IRAG1: variants seen among roughly 807,000 people sequenced by gnomAD.
IRAG1 encodes inositol 1,4,5-triphosphate receptor associated 1, also known as IP3R-associated cGMP kinase substrate.
Under a neutral mutation model 106.2 loss-of-function variants are expected in IRAG1, and 62 were observed. The observed-to-expected ratio is 0.58, with a 90% CI of 0.48 to 0.72. The LOEUF is 0.72. Ranked by LOEUF, IRAG1 falls within the 30% of genes least tolerant of loss-of-function variation. The probability of loss-of-function intolerance (pLI) is 0.00; values close to 1 mark genes in which losing one functional copy is unlikely to be tolerated. For synonymous variants in IRAG1, 462 were observed against 443.9 expected, an observed-to-expected ratio of 1.04 and a Z score of -0.51; for missense variants, 1,064 against 1,140.7, an observed-to-expected ratio of 0.93 and a Z score of 0.97.
chr11:10,687,183 A>G (rs938356028), intron 1 of IRAG1, among the ~76,000 whole-genome samples: 1 of 152,088 alleles, frequency 6.6e-6, no homozygotes, highest in Non-Finnish European at 1.5e-5. Context: ...GTCTCTCACT[A>G]GGGCAGGACA....
chr11:10,576,795 T>C lies in IRAG1; in HGVS notation c.2496-220A>G, dbSNP rs185596208. 1.2e-3 allele frequency among the ~76,000 whole-genome samples: 182 copies of C among 152,316 alleles called. 1 individual carries two copies. In the East Asian group the frequency reaches 0.028, roughly 24 times the overall value. The stretch of plus-strand genomic sequence containing the variant: ...GGTCCAGGAATCATTGGCTAAATTT[T>C]CCCAGGTGATTTTGATTCCACCAGT... On this transcript the variant is annotated intron_variant, in intron 20 of 20. Transcript: ENST00000423302.
At chr11:10,627,682 C>G (rs189924856) in intron 8 of IRAG1, 34 bp downstream of exon 8, 113 of 1,613,634 alleles carry the variant, frequency 7.0e-5, no homozygotes, top group Admixed American at 1.8e-4. Context: ...CCCCCACACT[C>G]AAATCATCCA....
At chr11:10,578,053 C>T (rs1851008879) in intron 20 of IRAG1, among the ~76,000 whole-genome samples, 1 of 152,192 alleles carries the variant, frequency 6.6e-6, no homozygotes, top group South Asian at 2.1e-4. Context: ...GCCAGAGTGG[C>T]TTCTCCCTAC....
intron 19 of IRAG1, 115 bp from the exon 20 acceptor site, chr11:10,580,704 G>T: frequency 1.6e-6 from 2 of 1,280,518 alleles, no homozygotes; most frequent in South Asian, 1.5e-5. Flanking sequence ...TGCTTCCTAT[G>T]GTTCCACAAA....
chr11:10,599,136 T>C (rs1180529864), intron 15 of IRAG1, among the ~76,000 whole-genome samples: 1 of 152,046 alleles, frequency 6.6e-6, no homozygotes, highest in Non-Finnish European at 1.5e-5. Flanking sequence ...CCTCCTAGAG[T>C]GAATGTGGGA....
At chr11:10,577,816 G>A (rs766101781) in intron 20 of IRAG1, among the ~76,000 whole-genome samples, 3 of 152,128 alleles carry the variant, frequency 2.0e-5, no homozygotes, top group Non-Finnish European at 4.4e-5. Flanking sequence ...CGTTCCATGC[G>A]GGAACCCCAT....
At chr11:10,671,434 G>A (rs1845832) in intron 1 of IRAG1, among the ~76,000 whole-genome samples, 30,480 of 152,174 alleles carry the variant, frequency 0.2, 4,710 homozygotes, top group East Asian at 0.81. Flanking sequence ...ACGGCTGGCC[G>A]GGTGTGGTAG....
In IRAG1 at chr11:10,628,107, G is replaced by C. The variant is rs764158772; in HGVS notation, c.653-82C>G. On this transcript the variant is annotated intron_variant, in intron 6 of 20. Coordinates refer to ENST00000423302, the MANE Select transcript of IRAG1 (RefSeq NM_130385.4). The surrounding 1 kb of genome is among the most constrained non-coding windows in gnomAD (Gnocchi z 4.1). ...CTTTCAGCCACATCTCCCTCCCCGG[G>C]CTATCCTCCCTTTGCAATCTCAGGC... is the stretch of plus-strand genomic sequence containing the variant. 2.7e-6 allele frequency: 4 copies of C among 1,460,986 alleles called. No individual in the cohort carries two copies. The Admixed American group carries it at 7.4e-5, about 27-fold the overall frequency. The allele number at this position is 1,460,986 out of a possible 1,614,324, so 90.5% of individuals were successfully genotyped here.
intron 10 of IRAG1, among the ~76,000 whole-genome samples, chr11:10,610,626 C>T (rs186554317): frequency 8.5e-5 from 13 of 152,292 alleles, no homozygotes; most frequent in Admixed American, 5.2e-4. Flanking sequence ...TCTCTAGATA[C>T]CATCCCATTC....
At chr11:10,607,105 C>A (rs1423171048) in intron 11 of IRAG1, among the ~76,000 whole-genome samples, 1 of 152,144 alleles carries the variant, frequency 6.6e-6, no homozygotes, top group African/African-American at 2.4e-5. Flanking sequence ...TGTTTGTATG[C>A]ATAAATATAT....
At chr11:10,598,114 G>A (rs569132674) in intron 15 of IRAG1, among the ~76,000 whole-genome samples, 74 of 152,200 alleles carry the variant, frequency 4.9e-4, no homozygotes, top group African/African-American at 1.3e-3. Flanking sequence ...GTCCTTGGAC[G>A]CCCTTAACTT....
rs1321481010 is a variant in IRAG1, at chr11:10,610,563, GA to G, written c.1448-713del. On this transcript the variant is annotated intron_variant, in intron 10 of 20. Transcript: ENST00000423302. ...GCCTCTCTAAAGCTTCTCTTCTCCA[GA>G]CTCTAGCTCCATTTTTCCAACAAGC... 9.9e-5 allele frequency among the ~76,000 whole-genome samples: 15 copies of G among 152,264 alleles called. No homozygotes were observed. The East Asian group carries it at 2.9e-3, about 29-fold the overall frequency.
intron 2 of IRAG1, among the ~76,000 whole-genome samples, chr11:10,641,374 G>A (rs1364268028): frequency 6.6e-6 from 1 of 152,168 alleles, no homozygotes; most frequent in Non-Finnish European, 1.5e-5. Flanking sequence ...GTTAAATTGG[G>A]AGAGCCCAGC....
rs1443944669 is a variant in IRAG1, at chr11:10,591,628, A to G, written c.2176-16T>C. ...GTGATTCCGACTGAGTGAAAAACAGAAGACAGAGAATTGAGGATGCGCTAT... is the reference window on the plus strand; with the variant it reads ...GTGATTCCGACTGAGTGAAAAACAGGAGACAGAGAATTGAGGATGCGCTAT... On this transcript the variant is annotated splice_polypyrimidine_tract_variant and intron_variant, in intron 17 of 20. Coordinates refer to ENST00000423302, the MANE Select transcript of IRAG1 (RefSeq NM_130385.4). 6 of 1,581,782 alleles carry G rather than the reference A, an allele frequency of 3.8e-6. No homozygotes were observed. Among genetic ancestry groups the G allele is most frequent in the Admixed American group, 3.7e-5 (2 of 54,792 alleles).
In IRAG1 at chr11:10,615,246, C is replaced by T. The variant is rs1197789716; in HGVS notation, c.1448-5395G>A. ...ACCACAATGAGATACCATCTCACCC[C>T]AGTTAGAATGGCGATCATTAAAAAG... is the stretch of plus-strand genomic sequence containing the variant. On this transcript the variant is annotated intron_variant, in intron 10 of 20. Transcript: ENST00000423302. Among the ~76,000 whole-genome samples, 3 of 152,320 alleles carry T rather than the reference C, an allele frequency of 2.0e-5. No individual in the cohort carries two copies. The East Asian group carries it at 5.8e-4, about 29-fold the overall frequency.
Position 10,601,054 on chromosome 11 carries a change from C to T in IRAG1, c.1881G>A (p.Lys627=), listed in dbSNP as rs1307499653. ...AEVVGAVRQE[K]RMSKATEVMM... is the part of the protein sequence containing the mutation. ...TCACTTCCGTTGCTTTCGACATGCGCTTTTCCTGCGGGGAAGGAGCGCATG... is the reference window on the plus strand; with the variant it reads ...TCACTTCCGTTGCTTTCGACATGCGTTTTTCCTGCGGGGAAGGAGCGCATG... The change falls in exon 15 of 21, where the codon AAG becomes AAA. Residue 627 remains lysine (K), a synonymous_variant. Coordinates refer to ENST00000423302, the MANE Select transcript of IRAG1 (RefSeq NM_130385.4). The T allele has an allele frequency of 1.9e-6, 3 of 1,613,920 alleles. No homozygotes were observed. Among genetic ancestry groups the T allele is most frequent in the Admixed American group, 3.3e-5 (2 of 60,024 alleles).
intron 19 of IRAG1, among the ~76,000 whole-genome samples, chr11:10,580,940 T>C (rs932730225): frequency 4.6e-5 from 7 of 152,200 alleles, no homozygotes; most frequent in African/African-American, 1.7e-4. Flanking sequence ...GCCTCTCATC[T>C]GTAAAAGAGA....
At chr11:10,614,247 G>A (rs1288430459) in intron 10 of IRAG1, among the ~76,000 whole-genome samples, 5 of 152,238 alleles carry the variant, frequency 3.3e-5, no homozygotes, top group Non-Finnish European at 5.9e-5. Flanking sequence ...GGATCTGTGA[G>A]TATAAACCTA....
intron 3 of IRAG1, among the ~76,000 whole-genome samples, chr11:10,632,709 A>G (rs1856800556): frequency 6.6e-6 from 1 of 152,192 alleles, no homozygotes; most frequent in African/African-American, 2.4e-5. Context: ...AGAGGATGTG[A>G]CTTTGACTTA....
Sources: allele counts gnomAD v4.1 joint callset (sites outside exome capture counted in the v4.1 genomes callset), GRCh38; gene constraint gnomAD v4.1.1; non-coding constraint Gnocchi (gnomAD v3.1); transcripts MANE v1.5; gene names NCBI Gene and HGNC (gene_info 2026-07-23, HGNC 2026-07-21).